The following BRINP1 variants were observed in gnomAD, a reference collection of about 807,000 sequenced individuals.
BRINP1 encodes BMP/retinoic acid-inducible neural-specific protein 1.
In BRINP1, 17 loss-of-function variants were observed where a neutral mutation model predicts 72.9. That is an observed-to-expected ratio of 0.23 (90% CI 0.16 to 0.35). The LOEUF is 0.35. BRINP1 is among the 10% of genes least tolerant of loss of function. The probability of loss-of-function intolerance (pLI) is 1.00; values close to 1 mark genes in which losing one functional copy is unlikely to be tolerated. For synonymous variants in BRINP1, 418 were observed against 378.5 expected (o/e 1.10, Z -1.21); for missense variants, 850 against 1,001.6 (o/e 0.85, Z 2.04).
At chr9:119,252,289 G>A (rs1020195474) in intron 2 of BRINP1, among the ~76,000 whole-genome samples, 1 of 152,042 alleles carries the variant, frequency 6.6e-6, no homozygotes, top group African/African-American at 2.4e-5. Flanking sequence ...ACTGCAGCCT[G>A]GTAACAAACC....
In BRINP1 at chr9:119,366,274, G is replaced by A. The variant is rs972393175; in HGVS notation, c.-51+2782C>T. Among the ~76,000 whole-genome samples, 3 of 152,196 alleles carry A rather than the reference G, an allele frequency of 2.0e-5. No homozygotes were observed. In the East Asian group the frequency reaches 5.8e-4, roughly 29 times the overall value. On this transcript the variant is annotated intron_variant, in intron 1 of 7. Transcript: ENST00000265922. The stretch of plus-strand genomic sequence containing the variant: ...GGGGTGAGATTCTAATTAATATAAA[G>A]AAATTAATTTGCCTGAAGTATTTGC...
chr9:119,319,231 G>C (rs1466587976), intron 1 of BRINP1, among the ~76,000 whole-genome samples: 1 of 152,090 alleles, frequency 6.6e-6, no homozygotes, highest in African/African-American at 2.4e-5. Flanking sequence ...TTCTCATTCT[G>C]CCACATTGTC....
At chr9:119,241,832 T>C (rs1319495407) in intron 4 of BRINP1, among the ~76,000 whole-genome samples, 1 of 152,184 alleles carries the variant, frequency 6.6e-6, no homozygotes, top group Admixed American at 6.5e-5. Flanking sequence ...CAGAATACTC[T>C]AGCAAATCAG....
At chr9:119,293,953 A>G (rs1047540661) in intron 2 of BRINP1, among the ~76,000 whole-genome samples, 1 of 152,168 alleles carries the variant, frequency 6.6e-6, no homozygotes, top group African/African-American at 2.4e-5. Context: ...AAGTAATTCA[A>G]ATAAAAAAAG....
At chr9:119,228,839 A>G (rs1830120214) in intron 5 of BRINP1, among the ~76,000 whole-genome samples, 2 of 152,108 alleles carry the variant, frequency 1.3e-5, no homozygotes, top group Non-Finnish European at 2.9e-5. Flanking sequence ...GACCCCACGA[A>G]TGTGGGGAAA....
chr9:119,185,025 G>A (rs934322548), intron 7 of BRINP1, among the ~76,000 whole-genome samples: 1 of 152,100 alleles, frequency 6.6e-6, no homozygotes, highest in Non-Finnish European at 1.5e-5. Context: ...CAGAATAAGA[G>A]TTTATGGAAG....
chr9:119,217,352 G>A (rs76758739), intron 5 of BRINP1, among the ~76,000 whole-genome samples: 53 of 151,866 alleles, frequency 3.5e-4, no homozygotes, highest in South Asian at 2.1e-3. Context: ...CACACACGGA[G>A]AGAAAGAGAG....
rs533274581 is a variant in BRINP1, at chr9:119,330,219, C to T, written c.-50-16814G>A. ...GCTAAACCAGAGCCATCTAATTTCC[C>T]TGTTAAGACTGATCTTTACCTCCTC... On this transcript the variant is annotated intron_variant, in intron 1 of 7. Transcript: ENST00000265922. Among the ~76,000 whole-genome samples, 6 of 152,280 alleles carry T rather than the reference C, an allele frequency of 3.9e-5. No homozygotes were observed. The South Asian group carries it at 6.2e-4, about 16-fold the overall frequency.
intron 1 of BRINP1, among the ~76,000 whole-genome samples, chr9:119,320,633 T>A (rs1417930093): frequency 6.6e-6 from 1 of 152,070 alleles, no homozygotes; most frequent in Non-Finnish European, 1.5e-5. Flanking sequence ...TAAAGGGGCT[T>A]CCAGGCAGAG....
At chr9:119,182,140 C>A (rs559220409) in intron 7 of BRINP1, among the ~76,000 whole-genome samples, 1 of 152,292 alleles carries the variant, frequency 6.6e-6, no homozygotes, top group African/African-American at 2.4e-5. Flanking sequence ...AATCTTGACA[C>A]TTAACTTCCT....
chr9:119,350,695 C>G (rs966334407), intron 1 of BRINP1, among the ~76,000 whole-genome samples: 1 of 151,934 alleles, frequency 6.6e-6, no homozygotes, highest in Non-Finnish European at 1.5e-5. Flanking sequence ...CACATCAGCA[C>G]ATTCAAAACA....
At chr9:119,309,205 G>A (rs186141041) in intron 2 of BRINP1, among the ~76,000 whole-genome samples, 1 of 152,168 alleles carries the variant, frequency 6.6e-6, no homozygotes, top group East Asian at 1.9e-4. Context: ...CTTGCATAAG[G>A]CATTTAATAT....
intron 3 of BRINP1, among the ~76,000 whole-genome samples, chr9:119,244,225 G>A (rs564021866): frequency 2.8e-4 from 42 of 152,254 alleles, no homozygotes; most frequent in African/African-American, 7.0e-4. Context: ...AGCACTTGGC[G>A]TTTGCAGTTT....
chr9:119,186,446 GC>G (rs1217332096), intron 7 of BRINP1, among the ~76,000 whole-genome samples: 1 of 152,182 alleles, frequency 6.6e-6, no homozygotes, highest in Non-Finnish European at 1.5e-5. Flanking sequence ...GCATGCCTAA[GC>G]CCTGGTGGTG....
chr9:119,238,752 C>T lies in BRINP1; in HGVS notation c.588G>A (p.Glu196=). 6.3e-7 allele frequency: 1 copy of T among 1,599,282 alleles called. No homozygotes were observed. The highest frequency in any genetic ancestry group is 8.5e-7 in the Non-Finnish European group (1 of 1,169,922). The change falls in exon 5 of 8, where the codon GAG becomes GAA. Residue 196 remains glutamate, a synonymous_variant. Transcript: ENST00000265922. The part of the protein sequence containing the change: ...QISTGAIKVT[E]TRTGPLGCNS... ...TACAGCCCAGAGGCCCAGTGCGTGT[C>T]TCTGTGACCTGCAGTAGATATCAAA...
At chr9:119,186,728 C>T (rs1263569139) in intron 7 of BRINP1, among the ~76,000 whole-genome samples, 1 of 152,174 alleles carries the variant, frequency 6.6e-6, no homozygotes, top group Middle Eastern at 3.2e-3. Flanking sequence ...CTGAAGTATG[C>T]ACGACTGAGA....
intron 2 of BRINP1, among the ~76,000 whole-genome samples, chr9:119,300,562 C>A (rs183236836): frequency 6.6e-6 from 1 of 152,274 alleles, no homozygotes; most frequent in African/African-American, 2.4e-5. Flanking sequence ...CCCACTGTGT[C>A]CCACAGTGTC....
At chr9:119,336,829 G>GAA (rs530410688) in intron 1 of BRINP1, among the ~76,000 whole-genome samples, 1 of 149,878 alleles carries the variant, frequency 6.7e-6, no homozygotes, top group Non-Finnish European at 1.5e-5. Flanking sequence ...AGAGAGAAGA[G>GAA]AAAAAAAAAG....
At chr9:119,181,792 AAG>A (rs1441300853) in intron 7 of BRINP1, among the ~76,000 whole-genome samples, 2 of 152,204 alleles carry the variant, frequency 1.3e-5, no homozygotes, top group African/African-American at 2.4e-5. Flanking sequence ...GGAATCCAAA[AAG>A]AAAAAAAAAG....
Sources: allele counts gnomAD v4.1 joint callset (sites outside exome capture counted in the v4.1 genomes callset), GRCh38; gene constraint gnomAD v4.1.1; transcripts MANE v1.5; gene names NCBI Gene and HGNC (gene_info 2026-07-23, HGNC 2026-07-21).